SNX9: variants seen among roughly 807,000 people sequenced by gnomAD.
The protein encoded by SNX9 is sorting nexin 9.
A neutral mutation model predicts 89.4 loss-of-function variants in SNX9; 44 were observed. The ratio of observed to expected loss-of-function variants is 0.49; its 90% CI spans 0.39 to 0.63. The LOEUF (loss-of-function observed/expected upper bound fraction) is 0.63, where lower values mean the gene tolerates loss of function less well. SNX9 is among the 30% of genes least tolerant of loss of function. The pLI is 0.00. For synonymous variants in SNX9, 236 were observed against 247.8 expected, an observed-to-expected ratio of 0.95 and a Z score of 0.45; for missense variants, 578 against 736.1, an observed-to-expected ratio of 0.79 and a Z score of 2.49.
chr6:157,866,851 G>A (rs1187546529), intron 1 of SNX9, among the ~76,000 whole-genome samples: 1 of 152,214 alleles, frequency 6.6e-6, no homozygotes, highest in Non-Finnish European at 1.5e-5. Context: ...GTTTCTGAGA[G>A]TCAGTGTTCC....
chr6:157,900,524 G>A (rs925125919), intron 5 of SNX9, among the ~76,000 whole-genome samples: 10 of 152,220 alleles, frequency 6.6e-5, no homozygotes, highest in African/African-American at 1.9e-4. Flanking sequence ...GGGTCCGGGG[G>A]GGTCACTGCC....
At chr6:157,908,640 A>G (rs1783269832) in intron 7 of SNX9, among the ~76,000 whole-genome samples, 1 of 152,132 alleles carries the variant, frequency 6.6e-6, no homozygotes, top group African/African-American at 2.4e-5. Context: ...AGCTGCCCCC[A>G]TGGCCTTGGA....
chr6:157,907,453 T>G (rs1783241142), intron 7 of SNX9, among the ~76,000 whole-genome samples: 1 of 152,150 alleles, frequency 6.6e-6, no homozygotes, highest in South Asian at 2.1e-4. Flanking sequence ...AGCTAATTTT[T>G]TTTGTATTTT....
At chr6:157,825,188 C>CAGTG (rs1476234862) in intron 1 of SNX9, among the ~76,000 whole-genome samples, 1 of 152,112 alleles carries the variant, frequency 6.6e-6, no homozygotes, top group Non-Finnish European at 1.5e-5. Flanking sequence ...GCGGAGGTTG[C>CAGTG]AGTGATCCGA....
chr6:157,851,286 TATAA>T (rs1410815787), intron 1 of SNX9, among the ~76,000 whole-genome samples: 1 of 149,240 alleles, frequency 6.7e-6, no homozygotes, highest in Non-Finnish European at 1.5e-5. Flanking sequence ...AATAAATAAA[TATAA>T]ATAAACCTCT....
intron 16 of SNX9, 113 bp from the exon 17 acceptor site, chr6:157,940,770 C>A: frequency 1.1e-6 from 1 of 896,724 alleles, no homozygotes; most frequent in Non-Finnish European, 1.8e-6. Flanking sequence ...CTGACAACAG[C>A]AGCCAACCAG....
intron 4 of SNX9, among the ~76,000 whole-genome samples, chr6:157,895,867 G>A (rs1395811893): frequency 6.6e-6 from 1 of 152,136 alleles, no homozygotes; most frequent in Admixed American, 6.6e-5. Context: ...ACTGAAACTT[G>A]AAGGAAGCAG....
At chr6:157,834,865 A>G (rs1781553317) in intron 1 of SNX9, among the ~76,000 whole-genome samples, 1 of 152,214 alleles carries the variant, frequency 6.6e-6, no homozygotes, top group African/African-American at 2.4e-5. Context: ...AACAGTATGT[A>G]AAGCGTATTC....
chr6:157,929,560 C>T (rs1783766591), intron 12 of SNX9, among the ~76,000 whole-genome samples: 1 of 152,188 alleles, frequency 6.6e-6, no homozygotes, highest in Admixed American at 6.5e-5. Flanking sequence ...TAAGAATTTT[C>T]TGGCCTTCAC....
Position 157,926,443 on chromosome 6 carries a change from T to G in SNX9, c.1081-668T>G, listed in dbSNP as rs372348680. ...CTTATATTTTAGAAAAGCATTTACC[T>G]TTTTAGAAAACAGATAACCTAAATA... On this transcript the variant is annotated intron_variant, in intron 10 of 17. Coordinates refer to ENST00000392185, the MANE Select transcript of SNX9 (RefSeq NM_016224.5). Among the ~76,000 whole-genome samples, 5 of 152,262 alleles carry G rather than the reference T, an allele frequency of 3.3e-5. No individual in the cohort carries two copies. In the South Asian group the frequency reaches 1.0e-3, roughly 32 times the overall value.
chr6:157,845,887 T>C (rs773094953), intron 1 of SNX9, among the ~76,000 whole-genome samples: 21 of 152,240 alleles, frequency 1.4e-4, no homozygotes, highest in Non-Finnish European at 7.3e-5. Flanking sequence ...TTTACTCTTA[T>C]AACTTGATTG....
At chr6:157,917,529 G>T (rs1415042277) in intron 9 of SNX9, among the ~76,000 whole-genome samples, 1 of 151,954 alleles carries the variant, frequency 6.6e-6, no homozygotes, top group African/African-American at 2.4e-5. Context: ...TTTCTCATAA[G>T]TTCTTATTTG....
At chr6:157,892,718 G>A (rs1298122980) in intron 4 of SNX9, 1 of 152,170 alleles carries the variant, frequency 6.6e-6, no homozygotes, top group African/African-American at 2.4e-5. Context: ...CCATCTTGAT[G>A]AAAATCCTTC....
At chr6:157,874,978 CT>C in intron 3 of SNX9, 72 bp from the exon 4 acceptor site, 3 of 1,491,684 alleles carry the variant, frequency 2.0e-6, no homozygotes, top group Non-Finnish European at 1.8e-6. Context: ...TTTGACAATT[CT>C]TGCTTGCCCT....
intron 10 of SNX9, among the ~76,000 whole-genome samples, chr6:157,923,780 A>C (rs900191056): frequency 6.6e-6 from 1 of 152,206 alleles, no homozygotes; most frequent in Non-Finnish European, 1.5e-5. Context: ...TAGACACTTG[A>C]TCTATGACAA....
At chr6:157,894,394 G>A (rs1341220905) in intron 4 of SNX9, among the ~76,000 whole-genome samples, 1 of 147,464 alleles carries the variant, frequency 6.8e-6, no homozygotes, top group Admixed American at 6.8e-5. Flanking sequence ...ATAGGCATGA[G>A]CCACTGTGCC....
At chr6:157,922,128 G>C (rs1159109740) in intron 10 of SNX9, among the ~76,000 whole-genome samples, 1 of 152,208 alleles carries the variant, frequency 6.6e-6, no homozygotes, top group Non-Finnish European at 1.5e-5. Context: ...CTGTAATGGT[G>C]AGTCCAGAGT....
At chr6:157,932,365 G>A (rs1783829259) in intron 13 of SNX9, 93 bp downstream of exon 13, 5 of 1,124,682 alleles carry the variant, frequency 4.4e-6, no homozygotes, top group South Asian at 1.3e-5. Context: ...TCCCTCCTCA[G>A]TGAAGCACCC....
intron 1 of SNX9, among the ~76,000 whole-genome samples, chr6:157,860,705 G>GT (rs1411900865): frequency 6.6e-6 from 1 of 152,216 alleles, no homozygotes; most frequent in Non-Finnish European, 1.5e-5. Flanking sequence ...TGTAGCCTCA[G>GT]TTTGTATTTC....
Sources: allele counts gnomAD v4.1 joint callset (sites outside exome capture counted in the v4.1 genomes callset), GRCh38; gene constraint gnomAD v4.1.1; transcripts MANE v1.5; gene names NCBI Gene and HGNC (gene_info 2026-07-23, HGNC 2026-07-21).